Variants in DPP10 observed in about 807,000 individuals in gnomAD.
The protein encoded by DPP10 is inactive dipeptidyl peptidase 10.
Under a neutral mutation model 120.9 loss-of-function variants are expected in DPP10, and 33 were observed. The observed-to-expected ratio is 0.27, with a 90% CI of 0.21 to 0.37. The LOEUF (loss-of-function observed/expected upper bound fraction) is 0.37, where lower values mean the gene tolerates loss of function less well. DPP10 is among the 10% of genes least tolerant of loss of function. DPP10 has a pLI of 1.00. For missense variants in DPP10, 816 were observed against 942.8 expected (o/e 0.87, Z 1.76); for synonymous variants, 337 against 326.1 (o/e 1.03, Z -0.36).
intron 1 of DPP10, among the ~76,000 whole-genome samples, chr2:115,244,235 TATATAGAGAGAGAGAGAGAGAGAG>T (rs1367971917): frequency 7.4e-5 from 4 of 54,030 alleles, no homozygotes; most frequent in South Asian, 6.5e-4. Context: ...TATATATATA[TATATAGAGAGAGAGAGAGAGAGAG>T]AGAGAGAGAG....
At chr2:114,911,836 T>C (rs1329781529) in intron 1 of DPP10, among the ~76,000 whole-genome samples, 2 of 152,114 alleles carry the variant, frequency 1.3e-5, no homozygotes, top group African/African-American at 4.8e-5. Flanking sequence ...TTACATCAGT[T>C]ACACTTGCTG....
intron 1 of DPP10, among the ~76,000 whole-genome samples, chr2:115,050,773 G>A (rs1434876877): frequency 6.6e-6 from 1 of 152,134 alleles, no homozygotes; most frequent in Non-Finnish European, 1.5e-5. Context: ...GAATGCTAGG[G>A]CAGGGATGGT....
At chr2:115,410,369 C>A (rs556198963) in intron 3 of DPP10, among the ~76,000 whole-genome samples, 26 of 152,294 alleles carry the variant, frequency 1.7e-4, no homozygotes, top group South Asian at 8.3e-4. Flanking sequence ...TCTCAGCAGA[C>A]TAATGCAGGA....
intron 5 of DPP10, among the ~76,000 whole-genome samples, chr2:115,647,360 T>G (rs565681061): frequency 6.6e-6 from 1 of 152,320 alleles, no homozygotes; most frequent in South Asian, 2.1e-4. Context: ...CATGCAGCTC[T>G]ACGATGATTA....
intron 1 of DPP10, among the ~76,000 whole-genome samples, chr2:114,961,890 G>T (rs1035995869): frequency 6.6e-6 from 1 of 152,056 alleles, no homozygotes; most frequent in African/African-American, 2.4e-5. Flanking sequence ...GGAAGCAAAG[G>T]TTGCCGTTAG....
At chr2:114,469,763 A>G (rs1375813885) in intron 1 of DPP10, among the ~76,000 whole-genome samples, 1 of 152,168 alleles carries the variant, frequency 6.6e-6, no homozygotes, top group Non-Finnish European at 1.5e-5. Flanking sequence ...TGTATATTGA[A>G]TGGCCAAATG....
At chr2:115,705,401 A>T (rs893225139) in intron 7 of DPP10, among the ~76,000 whole-genome samples, 1 of 152,078 alleles carries the variant, frequency 6.6e-6, no homozygotes, top group East Asian at 1.9e-4. Context: ...GTGTGTTTGT[A>T]TGCACACACA....
At chr2:115,101,206 C>T (rs2048678160) in intron 1 of DPP10, among the ~76,000 whole-genome samples, 1 of 152,156 alleles carries the variant, frequency 6.6e-6, no homozygotes, top group Admixed American at 6.6e-5. Context: ...TGCTCTTGCT[C>T]AATCCCAGGT....
At chr2:115,724,780 T>C (rs1207506310) in intron 7 of DPP10, among the ~76,000 whole-genome samples, 5 of 152,226 alleles carry the variant, frequency 3.3e-5, no homozygotes, top group African/African-American at 1.2e-4. Flanking sequence ...TGTGCAAGCA[T>C]GGCATACACA....
chr2:115,174,417 G>C (rs1379062666), intron 1 of DPP10, among the ~76,000 whole-genome samples: 1 of 152,158 alleles, frequency 6.6e-6, no homozygotes, highest in African/African-American at 2.4e-5. Context: ...GTCTGAAAAG[G>C]AATGGCTTAC....
chr2:115,791,530 A>G (rs1009708151), intron 19 of DPP10, among the ~76,000 whole-genome samples, 174 bp downstream of exon 19: 1 of 152,182 alleles, frequency 6.6e-6, no homozygotes, highest in African/African-American at 2.4e-5. Context: ...ATGTATAAAG[A>G]TGTGTAAATT....
intron 1 of DPP10, among the ~76,000 whole-genome samples, chr2:114,472,847 G>A (rs1363517531): frequency 6.6e-6 from 1 of 152,214 alleles, no homozygotes; most frequent in African/African-American, 2.4e-5. Context: ...GTAAGTTGGT[G>A]TAAAATCCTA....
intron 24 of DPP10, among the ~76,000 whole-genome samples, chr2:115,837,268 AC>A (rs1444594982): frequency 6.6e-6 from 1 of 152,140 alleles, no homozygotes; most frequent in Admixed American, 6.5e-5. Context: ...TTTTTTCATC[AC>A]TTTAAACCTT....
chr2:115,741,785 T>C (rs1171827056), intron 9 of DPP10, among the ~76,000 whole-genome samples: 8 of 152,144 alleles, frequency 5.3e-5, no homozygotes, highest in African/African-American at 1.9e-4. Context: ...CATTGCTGCA[T>C]GCTCAAATTG....
At chr2:115,471,412 C>T (rs999609903) in intron 3 of DPP10, among the ~76,000 whole-genome samples, 1 of 152,084 alleles carries the variant, frequency 6.6e-6, no homozygotes, top group Non-Finnish European at 1.5e-5. Context: ...TATAGGAATA[C>T]CTAATTCCAC....
rs558080667 is a variant in DPP10, at chr2:115,692,714, A to G, written c.576+2793A>G. Among the ~76,000 whole-genome samples the G allele has an allele frequency of 2.0e-5, 3 of 152,154 alleles. No homozygotes were observed. The South Asian group carries it at 6.2e-4, about 32-fold the overall frequency. On this transcript the variant is annotated intron_variant, in intron 7 of 25. Transcript: ENST00000410059. ...AGTTTTTAATTTCCTGCAAGCCTCA[A>G]TTTTCTCATCTATAAATAGAAATAT...
intron 13 of DPP10, among the ~76,000 whole-genome samples, chr2:115,770,219 A>G (rs573876301): frequency 6.6e-6 from 1 of 152,152 alleles, no homozygotes; most frequent in East Asian, 1.9e-4. Flanking sequence ...TGTGATGTTG[A>G]CATGCAGGAA....
intron 5 of DPP10, among the ~76,000 whole-genome samples, chr2:115,566,143 G>A (rs969869511): frequency 1.3e-4 from 20 of 152,036 alleles, no homozygotes; most frequent in Admixed American, 1.0e-3. Context: ...TTTTCAATGT[G>A]CAACAAACCA....
intron 3 of DPP10, among the ~76,000 whole-genome samples, chr2:115,467,470 A>T (rs1387724619): frequency 6.6e-6 from 1 of 151,850 alleles, no homozygotes; most frequent in African/African-American, 2.4e-5. Flanking sequence ...CCAGCTACTC[A>T]GGAGGCTGAG....
Sources: allele counts gnomAD v4.1 joint callset (sites outside exome capture counted in the v4.1 genomes callset), GRCh38; gene constraint gnomAD v4.1.1; transcripts MANE v1.5; gene names NCBI Gene and HGNC (gene_info 2026-07-23, HGNC 2026-07-21).